Variants in INO80 observed in about 807,000 individuals in gnomAD.
The protein encoded by INO80 is chromatin-remodeling ATPase INO80.
INO80 carries 20 observed loss-of-function variants against 203.4 expected under a neutral mutation model. That is an observed-to-expected ratio of 0.10 (90% CI 0.07 to 0.14). The LOEUF (loss-of-function observed/expected upper bound fraction) is 0.14. INO80 is among the 10% of genes least tolerant of loss of function. The probability of loss-of-function intolerance (pLI) is 1.00; values close to 1 mark genes in which losing one functional copy is unlikely to be tolerated. For missense variants in INO80, 1,419 were observed against 1,914.4 expected, an observed-to-expected ratio of 0.74 and a Z score of 4.83; for synonymous variants, 726 against 685.2, an observed-to-expected ratio of 1.06 and a Z score of -0.93.
intron 4 of INO80, among the ~76,000 whole-genome samples, chr15:41,095,361 C>T (rs569902971): frequency 3.3e-5 from 5 of 152,224 alleles, no homozygotes; most frequent in East Asian, 1.9e-4. Flanking sequence ...ATCTGAAACA[C>T]GTCTGGTCTC....
chr15:41,003,329 C>CTTTTTTTTTTTTTTTTTTTT lies in INO80; in HGVS notation c.3497+2263_3497+2264insAAAAAAAAAAAAAAAAAAAA, dbSNP rs771356698. On this transcript the variant is annotated intron_variant, in intron 28 of 35. Transcript: ENST00000648947. ...TGGGATTGTGGGTGATTTTTCTTTT[C>CTTTTTTTTTTTTTTTTTTTT]TTTTCTTTTTTTTTTTTTTGAGATG... Among the ~76,000 whole-genome samples, 4 of 107,576 alleles carry CTTTTTTTTTTTTTTTTTTTT rather than the reference C, an allele frequency of 3.7e-5. 2 individuals are homozygous for CTTTTTTTTTTTTTTTTTTTT. Among genetic ancestry groups the CTTTTTTTTTTTTTTTTTTTT allele is most frequent in the Non-Finnish European group, 3.7e-5 (2 of 53,386 alleles). 70.6% of individuals were successfully genotyped at this position (107,576 alleles called of 152,430 possible).
At chr15:41,041,801 C>A (rs116022510) in intron 24 of INO80, among the ~76,000 whole-genome samples, 1 of 150,542 alleles carries the variant, frequency 6.6e-6, no homozygotes. Context: ...TAATATCTAA[C>A]GATCATTTTG....
chr15:41,039,154 C>A (rs1386488589), intron 24 of INO80, among the ~76,000 whole-genome samples: 4 of 152,092 alleles, frequency 2.6e-5, no homozygotes, highest in Non-Finnish European at 5.9e-5. Flanking sequence ...CCAACTTTTT[C>A]AAAATTAGAG....
In INO80 at chr15:41,045,044, A is replaced by C. The variant is rs914715542; in HGVS notation, c.2767T>G (p.Ser923Ala). ...GAGCGTAGCTGATGGAGCCTGTAGG[A>C]GGCTTTCAGAGACAGGAAAAGAGCT... ...WLALFLSLKA[S>A]YRLHQLRSWG... The change falls in exon 24 of 36, where the codon TCC (serine) becomes GCC (alanine). Residue 923 changes from serine to alanine, a missense_variant. Ser to Ala is a moderately conservative substitution (Grantham distance 99). Transcript: ENST00000648947. The C allele has an allele frequency of 2.5e-6, 4 of 1,608,280 alleles. No homozygotes were observed. The highest frequency in any genetic ancestry group is 3.4e-6 in the Non-Finnish European group (4 of 1,178,512).
At chr15:40,982,826 C>T in intron 35 of INO80, 36 bp downstream of exon 35, 2 of 1,540,656 alleles carry the variant, frequency 1.3e-6, no homozygotes, top group South Asian at 1.1e-5. Context: ...TGTCTCTGAC[C>T]AGAACAAAGT....
chr15:41,116,199 G>T lies in INO80; in HGVS notation c.-270C>A. ...AGGCGGCTGCGGGCGCTGGGCCGGC[G>T]GCGGCGGCGGCCACTTTCACTCACT... is the stretch of plus-strand genomic sequence containing the variant. On this transcript the variant is annotated 5_prime_UTR_variant, in exon 1 of 36. Coordinates refer to ENST00000648947, the MANE Select transcript of INO80 (RefSeq NM_017553.3). 4.9e-6 allele frequency: 2 copies of T among 409,950 alleles called. No individual in the cohort carries two copies. Among genetic ancestry groups the T allele is most frequent in the Non-Finnish European group, 8.5e-6 (2 of 235,892 alleles). 25.4% of individuals were successfully genotyped at this position (409,950 alleles called of 1,614,324 possible).
chr15:41,116,061 G>A lies in INO80; in HGVS notation c.-132C>T, dbSNP rs955391262. The A allele has an allele frequency of 2.5e-5, 10 of 395,690 alleles. No individual in the cohort carries two copies. The South Asian group carries it at 5.1e-4, about 20-fold the overall frequency. 24.5% of individuals were successfully genotyped at this position (395,690 alleles called of 1,614,324 possible). A position where few individuals can be genotyped will look rare whatever the true frequency, so the allele number is the denominator to read the frequency against. ...CGGAGGGGGGGGTCGCCCCGCCGAC[G>A]GTGGAGCCGCGGTTCGCTCTCTGAG... On this transcript the variant is annotated 5_prime_UTR_variant, in exon 1 of 36. Coordinates refer to ENST00000648947, the MANE Select transcript of INO80 (RefSeq NM_017553.3).
At chr15:41,033,883 A>G (rs552868420) in intron 24 of INO80, among the ~76,000 whole-genome samples, 13 of 151,602 alleles carry the variant, frequency 8.6e-5, no homozygotes, top group Non-Finnish European at 1.0e-4. Context: ...TAGAAACCCT[A>G]TCTCTACTAA....
intron 9 of INO80, among the ~76,000 whole-genome samples, chr15:41,075,877 G>C (rs1242278258): frequency 6.6e-6 from 1 of 152,160 alleles, no homozygotes; most frequent in Non-Finnish European, 1.5e-5. Context: ...ATAGGTGTGA[G>C]CCACTGCACC....
intron 17 of INO80, among the ~76,000 whole-genome samples, 155 bp from the exon 18 acceptor site, chr15:41,055,519 T>C (rs2044966999): frequency 6.6e-6 from 1 of 152,274 alleles, no homozygotes; most frequent in South Asian, 2.1e-4. Flanking sequence ...TGAATTCAAC[T>C]ACATTCTTGC....
chr15:41,007,168 CTTTTTTTTTTTTTCTTTT>C (rs2044055160), intron 27 of INO80, among the ~76,000 whole-genome samples: 1 of 128,584 alleles, frequency 7.8e-6, no homozygotes, highest in South Asian at 2.5e-4. Flanking sequence ...CACAGGCACT[CTTTTTTTTTTTTTCTTTT>C]TTTTTTTTTT....
intron 5 of INO80, among the ~76,000 whole-genome samples, chr15:41,091,446 G>C (rs1197627746): frequency 1.3e-5 from 2 of 152,004 alleles, no homozygotes; most frequent in African/African-American, 4.8e-5. Context: ...CATGTGGTTT[G>C]CTGCACCTAT....
chr15:41,046,490 G>C (rs1290517130), intron 23 of INO80, among the ~76,000 whole-genome samples: 1 of 151,012 alleles, frequency 6.6e-6, no homozygotes, highest in African/African-American at 2.4e-5. Flanking sequence ...GCCTCCCAAA[G>C]TGCTGGATTA....
chr15:41,017,758 C>T (rs963417489), intron 26 of INO80: 1 of 152,320 alleles, frequency 6.6e-6, no homozygotes, highest in African/African-American at 2.4e-5. Context: ...CTCCTTCCAC[C>T]ACCCGCTCCC....
intron 6 of INO80, among the ~76,000 whole-genome samples, chr15:41,087,330 A>G (rs1056047314): frequency 6.6e-6 from 1 of 152,206 alleles, no homozygotes; most frequent in Non-Finnish European, 1.5e-5. Flanking sequence ...ACCATTTTAC[A>G]TAATGAATTT....
chr15:41,044,087 C>A (rs897413062), intron 24 of INO80, among the ~76,000 whole-genome samples: 5 of 152,184 alleles, frequency 3.3e-5, no homozygotes, highest in Non-Finnish European at 5.9e-5. Context: ...GCAAATCTCA[C>A]ATACCGTAGG....
At chr15:41,014,264 A>C (rs1220087319) in intron 27 of INO80, among the ~76,000 whole-genome samples, 1 of 152,148 alleles carries the variant, frequency 6.6e-6, no homozygotes, top group Non-Finnish European at 1.5e-5. Context: ...GAAAAGAAAT[A>C]CCATTATGTC....
intron 32 of INO80, among the ~76,000 whole-genome samples, chr15:40,985,082 G>T (rs567312183): frequency 6.6e-6 from 1 of 152,126 alleles, no homozygotes; most frequent in Admixed American, 6.5e-5. Context: ...TCCACGCTTT[G>T]TAACAGCCCT....
At chr15:41,027,968 T>C in intron 24 of INO80, 1 of 297,306 alleles carries the variant, frequency 3.4e-6, no homozygotes, top group Non-Finnish European at 6.2e-6. Context: ...CATTTATAAT[T>C]CTACCTTTTT....
Sources: gnomAD v4.1 joint callset for allele counts (sites outside exome capture counted in the v4.1 genomes callset) on GRCh38, gnomAD v4.1.1 for gene constraint, MANE v1.5 for transcripts, NCBI Gene and HGNC (gene_info 2026-07-23, HGNC 2026-07-21) for gene names.